Variants in MINDY3 observed in about 807,000 individuals in gnomAD.
The protein encoded by MINDY3 is ubiquitin carboxyl-terminal hydrolase MINDY-3.
In MINDY3, 38 loss-of-function variants were observed where a neutral mutation model predicts 69.2. That is an observed-to-expected ratio of 0.55 (90% CI 0.42 to 0.72). The LOEUF (loss-of-function observed/expected upper bound fraction) is 0.72, where lower values mean the gene tolerates loss of function less well. Among genes scored for constraint, MINDY3 ranks in the 30% least tolerant of loss-of-function variants. The pLI is 0.00. For missense variants in MINDY3, 522 were observed against 519.0 expected, an observed-to-expected ratio of 1.01 and a Z score of -0.06; for synonymous variants, 192 against 180.1, an observed-to-expected ratio of 1.07 and a Z score of -0.53.
chr10:15,813,705 C>T (rs1839165312), intron 10 of MINDY3, among the ~76,000 whole-genome samples: 1 of 152,082 alleles, frequency 6.6e-6, no homozygotes, highest in South Asian at 2.1e-4. Flanking sequence ...CAACTATTAC[C>T]ACCTTCACCG....
At chr10:15,801,535 C>A (rs1484736703) in intron 10 of MINDY3, among the ~76,000 whole-genome samples, 4 of 152,044 alleles carry the variant, frequency 2.6e-5, no homozygotes, top group Non-Finnish European at 5.9e-5. Flanking sequence ...GAGCTCACCA[C>A]CAAAGGCACC....
chr10:15,805,868 G>C (rs186396180), intron 10 of MINDY3, among the ~76,000 whole-genome samples: 1 of 152,276 alleles, frequency 6.6e-6, no homozygotes, highest in African/African-American at 2.4e-5. Flanking sequence ...TGTAAGTTAT[G>C]AGGGCGGTAA....
At chr10:15,806,600 C>T (rs1177218506) in intron 10 of MINDY3, among the ~76,000 whole-genome samples, 1 of 152,170 alleles carries the variant, frequency 6.6e-6, no homozygotes, top group Non-Finnish European at 1.5e-5. Context: ...ATTTGCTTTA[C>T]ATTCATGCCA....
At chr10:15,804,510 A>G (rs1162923727) in intron 10 of MINDY3, among the ~76,000 whole-genome samples, 7 of 152,180 alleles carry the variant, frequency 4.6e-5, no homozygotes, top group Admixed American at 3.9e-4. Context: ...ATGAAGAGCA[A>G]TCTGCTGTCA....
At chr10:15,787,112 A>G (rs894957227) in intron 12 of MINDY3, among the ~76,000 whole-genome samples, 7 of 152,196 alleles carry the variant, frequency 4.6e-5, no homozygotes, top group African/African-American at 1.7e-4. Flanking sequence ...TTACTTTTAA[A>G]AACTAAATGA....
intron 2 of MINDY3, among the ~76,000 whole-genome samples, chr10:15,843,553 C>G (rs755452559): frequency 6.6e-6 from 1 of 152,030 alleles, no homozygotes; most frequent in Non-Finnish European, 1.5e-5. Context: ...AACAGAATAA[C>G]TGAAAAGCAC....
At chr10:15,784,176 A>C (rs1225295783) in intron 13 of MINDY3, among the ~76,000 whole-genome samples, 1 of 152,200 alleles carries the variant, frequency 6.6e-6, no homozygotes, top group Admixed American at 6.5e-5. Flanking sequence ...GGGGAAGATA[A>C]TAGTATGGTG....
chr10:15,786,555 T>C lies in MINDY3; in HGVS notation c.1116+6A>G, dbSNP rs1274658990. 1.4e-6 allele frequency: 2 copies of C among 1,475,552 alleles called. No individual in the cohort carries two copies. The highest frequency in any genetic ancestry group is 9.4e-7 in the Non-Finnish European group (1 of 1,059,778). The allele number at this position is 1,475,552 out of a possible 1,614,324, so 91.4% of individuals were successfully genotyped here. On this transcript the variant is annotated splice_donor_region_variant and intron_variant, in intron 13 of 14. Transcript: ENST00000277632. ...AACAATGAATATATTTCCTCAACTA[T>C]GTTACCTGATCAGGAAAAAATTCTT...
At position 15,778,801 on chromosome 10, in the gene MINDY3, T is replaced by C. The variant is rs976349913; in HGVS notation, c.*191A>G. 1 of 479,278 alleles carries C rather than the reference T, an allele frequency of 2.1e-6. No individual in the cohort carries two copies. The highest frequency in any genetic ancestry group is 5.0e-5 in the South Asian group (1 of 19,846). 29.7% of individuals were successfully genotyped at this position (479,278 alleles called of 1,614,324 possible). Reference sequence around the variant, plus strand: ...GTAAATTTCACACGAAGGGGTAAAATAGGATAATCTTTAACATAAAGCTTT... The same window carrying C: ...GTAAATTTCACACGAAGGGGTAAAACAGGATAATCTTTAACATAAAGCTTT... On this transcript the variant is annotated 3_prime_UTR_variant, in exon 15 of 15. Transcript: ENST00000277632.
chr10:15,800,589 C>T (rs930060672), intron 10 of MINDY3, among the ~76,000 whole-genome samples: 7 of 151,832 alleles, frequency 4.6e-5, no homozygotes, highest in Admixed American at 3.9e-4. Flanking sequence ...AATACTGTAA[C>T]TCTTGAAAAA....
At position 15,794,696 on chromosome 10, in the gene MINDY3, C is replaced by G. The variant is rs151310900; in HGVS notation, c.955+1404G>C. ...TTTAGTATTGGTAATATGAGAAATT[C>G]TCATTTTCCTTGGTACACTGTAAAA... is the stretch of plus-strand genomic sequence containing the variant. On this transcript the variant is annotated intron_variant, in intron 11 of 14. Coordinates refer to ENST00000277632, the MANE Select transcript of MINDY3 (RefSeq NM_024948.4). Among the ~76,000 whole-genome samples the G allele has an allele frequency of 3.9e-4, 60 of 152,146 alleles. No individual in the cohort carries two copies. In the East Asian group the frequency reaches 0.011, roughly 29 times the overall value.
At chr10:15,793,546 G>A (rs778721763) in intron 11 of MINDY3, among the ~76,000 whole-genome samples, 1 of 152,048 alleles carries the variant, frequency 6.6e-6, no homozygotes, top group African/African-American at 2.4e-5. Flanking sequence ...TAAATTAACA[G>A]TTCAAAGTAA....
At position 15,838,247 on chromosome 10, in the gene MINDY3, G is replaced by T; in HGVS notation, c.442C>A (p.Arg148=). Residue 148 remains arginine (R), a synonymous_variant, in exon 5 of 15, where the codon CGA becomes AGA. Transcript: ENST00000277632. ...ALAVEELGFE[R]FHALIQKRSF... ...ACTTACTGAATTAATGCATGAAATC[G>T]CTCAAAGCCAAGCTCTTCGACAGCC... 1 of 1,602,422 alleles carries T rather than the reference G, an allele frequency of 6.2e-7. No individual in the cohort carries two copies. Among genetic ancestry groups the T allele is most frequent in the African/African-American group, 1.3e-5 (1 of 74,362 alleles).
intron 10 of MINDY3, among the ~76,000 whole-genome samples, chr10:15,813,996 A>AAAAAAG (rs1839187661): frequency 6.9e-6 from 1 of 145,642 alleles, no homozygotes; most frequent in African/African-American, 2.7e-5. Flanking sequence ...AAAAAAAAAG[A>AAAAAAG]AAAAGAAAAA....
At chr10:15,779,894 T>C (rs754152262) in intron 14 of MINDY3, among the ~76,000 whole-genome samples, 1 of 152,174 alleles carries the variant, frequency 6.6e-6, no homozygotes, top group Non-Finnish European at 1.5e-5. Flanking sequence ...CAATGAAACA[T>C]ACTTAAAAAG....
chr10:15,827,621 AAG>A (rs1840181904), intron 8 of MINDY3, among the ~76,000 whole-genome samples: 1 of 152,124 alleles, frequency 6.6e-6, no homozygotes, highest in South Asian at 2.1e-4. Flanking sequence ...GTTAACAAGA[AAG>A]AGAAGGCTGG....
chr10:15,823,772 C>A (rs560590749), intron 8 of MINDY3, among the ~76,000 whole-genome samples: 1 of 152,082 alleles, frequency 6.6e-6, no homozygotes, highest in East Asian at 1.9e-4. Flanking sequence ...GTACTCTAAC[C>A]CACTCCCCTC....
chr10:15,785,547 T>A (rs1836890399), intron 13 of MINDY3, among the ~76,000 whole-genome samples: 1 of 152,082 alleles, frequency 6.6e-6, no homozygotes, highest in Admixed American at 6.5e-5. Context: ...AATCCAGATA[T>A]CCAGTCAGAA....
At chr10:15,844,778 C>T (rs776084672) in intron 2 of MINDY3, among the ~76,000 whole-genome samples, 6 of 152,118 alleles carry the variant, frequency 3.9e-5, no homozygotes, top group Admixed American at 2.6e-4. Flanking sequence ...ATGAGTGTGC[C>T]AGCATCTTCC....
Sources: gnomAD v4.1 joint callset for allele counts (sites outside exome capture counted in the v4.1 genomes callset) on GRCh38, gnomAD v4.1.1 for gene constraint, MANE v1.5 for transcripts, NCBI Gene and HGNC (gene_info 2026-07-23, HGNC 2026-07-21) for gene names.